Variants in GOLGA4 observed in about 807,000 individuals in gnomAD.
The protein encoded by GOLGA4 is golgin A4, also known as golgin subfamily A member 4.
GOLGA4 carries 169 observed loss-of-function variants against 265.9 expected under a neutral mutation model. The ratio of observed to expected loss-of-function variants is 0.64; its 90% CI spans 0.56 to 0.72. The LOEUF is 0.72. Ranked by LOEUF, GOLGA4 falls within the 30% of genes least tolerant of loss-of-function variation. The pLI is 0.00. For missense variants in GOLGA4, 2,482 were observed against 2,483.4 expected, an observed-to-expected ratio of 1.00 and a Z score of 0.01; for synonymous variants, 923 against 855.8, an observed-to-expected ratio of 1.08 and a Z score of -1.37.
chr3:37,289,650 G>A (rs1425585237), intron 5 of GOLGA4, among the ~76,000 whole-genome samples: 3 of 152,106 alleles, frequency 2.0e-5, no homozygotes, highest in Non-Finnish European at 2.9e-5. Flanking sequence ...GTAATTTTGA[G>A]GGGGGTGGGT....
At chr3:37,343,003 G>A (rs990324994) in intron 20 of GOLGA4, among the ~76,000 whole-genome samples, 2 of 151,912 alleles carry the variant, frequency 1.3e-5, no homozygotes, top group Non-Finnish European at 1.5e-5. Flanking sequence ...GGGTTCAAGC[G>A]ATTCTTCTGC....
chr3:37,320,256 C>T (rs2096951135), intron 12 of GOLGA4: 1 of 151,832 alleles, frequency 6.6e-6, no homozygotes, highest in Admixed American at 6.6e-5. Flanking sequence ...ATATAAGTTG[C>T]CATAAAAAAG....
chr3:37,260,364 G>A (rs1164632690), intron 2 of GOLGA4, among the ~76,000 whole-genome samples: 1 of 150,482 alleles, frequency 6.6e-6, no homozygotes, highest in Non-Finnish European at 1.5e-5. Context: ...GCTCATGCCT[G>A]TAATCCCAGC....
At chr3:37,336,788 GAA>G (rs1226561913) in intron 17 of GOLGA4, among the ~76,000 whole-genome samples, 4 of 142,904 alleles carry the variant, frequency 2.8e-5, no homozygotes, top group Non-Finnish European at 5.9e-5. Context: ...GAGAGAGAGA[GAA>G]AGAGAAAGAG....
In GOLGA4 at chr3:37,333,725, C is replaced by T. The variant is rs1248910834; in HGVS notation, c.6193-1328C>T. On this transcript the variant is annotated intron_variant, in intron 16 of 23. Coordinates refer to ENST00000361924, the MANE Select transcript of GOLGA4 (RefSeq NM_002078.5). The stretch of plus-strand genomic sequence containing the variant: ...GTTTTAGAGGTGGAGGCCAAATTCA[C>T]GTGTGCCTCGGTGGGAAGATATCTA... Among the ~76,000 whole-genome samples, 4 of 151,918 alleles carry T rather than the reference C, an allele frequency of 2.6e-5. No homozygotes were observed. The East Asian group carries it at 7.7e-4, about 29-fold the overall frequency.
chr3:37,272,163 A>G (rs2096800537), intron 2 of GOLGA4, among the ~76,000 whole-genome samples: 1 of 152,212 alleles, frequency 6.6e-6, no homozygotes, highest in Non-Finnish European at 1.5e-5. Flanking sequence ...CATTTGAATC[A>G]TCCCAAAACC....
chr3:37,301,988 C>T (rs1167941524), intron 9 of GOLGA4, among the ~76,000 whole-genome samples, 197 bp from the exon 10 acceptor site: 1 of 152,140 alleles, frequency 6.6e-6, no homozygotes, highest in Non-Finnish European at 1.5e-5. Context: ...AGGGTTTCGC[C>T]ATGTTGGCCA....
chr3:37,366,187 C>T lies in GOLGA4; in HGVS notation c.*141C>T. The T allele has an allele frequency of 1.8e-6, 2 of 1,097,246 alleles. No individual in the cohort carries two copies. The highest frequency in any genetic ancestry group is 2.7e-5 in the East Asian group (1 of 37,046). 68.0% of individuals were successfully genotyped at this position (1,097,246 alleles called of 1,614,324 possible). A position where few individuals can be genotyped will look rare whatever the true frequency, so the allele number is the denominator to read the frequency against. On this transcript the variant is annotated 3_prime_UTR_variant, in exon 24 of 24. Transcript: ENST00000361924. ...AGAATGAAGTTGTCATTCAGGGCCCCTCATGTAGCCAAAAGACCAAGAAAA... is the reference window on the plus strand; with the variant it reads ...AGAATGAAGTTGTCATTCAGGGCCCTTCATGTAGCCAAAAGACCAAGAAAA...
intron 2 of GOLGA4, among the ~76,000 whole-genome samples, chr3:37,261,239 A>G (rs963073134): frequency 3.3e-5 from 5 of 152,142 alleles, no homozygotes; most frequent in Admixed American, 6.5e-5. Context: ...GCTGCCTAAC[A>G]TGCTAAATCC....
chr3:37,273,356 A>G (rs1284234566), intron 2 of GOLGA4, among the ~76,000 whole-genome samples: 2 of 152,226 alleles, frequency 1.3e-5, no homozygotes, highest in Admixed American at 1.3e-4. Flanking sequence ...TTTCTAAAAT[A>G]CTTACCATAC....
chr3:37,260,638 C>CA (rs11456184), intron 2 of GOLGA4, among the ~76,000 whole-genome samples: 9,914 of 118,894 alleles, frequency 0.083, 723 homozygotes, highest in African/African-American at 0.22. Context: ...AACTCCGTCT[C>CA]AAAAAAAAAA....
intron 2 of GOLGA4, among the ~76,000 whole-genome samples, chr3:37,281,096 A>G (rs2096833478): frequency 6.6e-6 from 1 of 152,188 alleles, no homozygotes. Flanking sequence ...AGACATCAGT[A>G]AATATTGACT....
Position 37,328,500 on chromosome 3 carries a change from G to A in GOLGA4, c.6024G>A (p.Lys2008=). Residue 2008 remains lysine (K), a synonymous_variant, in exon 15 of 24, where the codon AAG becomes AAA. Transcript: ENST00000361924. The stretch of plus-strand genomic sequence containing the variant: ...AGTTTAATACACAGCTGGCACAAAA[G>A]GAACAAGAGCTGGAAATGACCATAA... ...MREFNTQLAQ[K]EQELEMTIKE... is the part of the protein sequence containing the mutation. The A allele has an allele frequency of 6.2e-7, 1 of 1,612,622 alleles. No individual in the cohort carries two copies. The highest frequency in any genetic ancestry group is 8.5e-7 in the Non-Finnish European group (1 of 1,179,086).
chr3:37,254,380 T>C (rs2096742457), intron 2 of GOLGA4, among the ~76,000 whole-genome samples: 2 of 152,330 alleles, frequency 1.3e-5, no homozygotes, highest in African/African-American at 4.8e-5. Context: ...ACATGAACTT[T>C]GAGTGCAAAA....
chr3:37,337,063 A>T (rs1559452682), intron 17 of GOLGA4, 80 bp from the exon 18 acceptor site: 1 of 920,712 alleles, frequency 1.1e-6, no homozygotes. Flanking sequence ...CTTTTTCCTT[A>T]TATCTTTATA....
intron 3 of GOLGA4, among the ~76,000 whole-genome samples, chr3:37,282,831 A>C (rs2096838410): frequency 6.6e-6 from 1 of 152,222 alleles, no homozygotes; most frequent in African/African-American, 2.4e-5. Context: ...GGAGGAAGGA[A>C]GTCAATGCTA....
chr3:37,353,946 G>T (rs1363544059), intron 21 of GOLGA4, among the ~76,000 whole-genome samples: 1 of 151,946 alleles, frequency 6.6e-6, no homozygotes, highest in African/African-American at 2.4e-5. Context: ...GGAAGAAGAG[G>T]TCTGAAACTA....
At chr3:37,352,187 A>G (rs1578848981) in intron 21 of GOLGA4, among the ~76,000 whole-genome samples, 2 of 152,158 alleles carry the variant, frequency 1.3e-5, no homozygotes, top group South Asian at 2.1e-4. Context: ...ATACCTGAGA[A>G]TGGGTAATTT....
intron 20 of GOLGA4, among the ~76,000 whole-genome samples, chr3:37,342,864 T>A (rs889715509): frequency 3.9e-5 from 6 of 152,220 alleles, no homozygotes; most frequent in African/African-American, 4.8e-5. Flanking sequence ...GGGTGAGATT[T>A]CTCACCACTC....
Sources: gnomAD v4.1 joint callset for allele counts (sites outside exome capture counted in the v4.1 genomes callset) on GRCh38, gnomAD v4.1.1 for gene constraint, MANE v1.5 for transcripts, NCBI Gene and HGNC (gene_info 2026-07-23, HGNC 2026-07-21) for gene names.